TAFA4: variants seen among roughly 807,000 people sequenced by gnomAD.
TAFA4 encodes TAFA chemokine like family member 4.
In TAFA4, 20 loss-of-function variants were observed where a neutral mutation model predicts 21.1. That is an observed-to-expected ratio of 0.95 (90% CI 0.67 to 1.38). The LOEUF (loss-of-function observed/expected upper bound fraction) is 1.38, where lower values mean the gene tolerates loss of function less well. TAFA4 is among the 40% of genes most tolerant of loss of function. The pLI is 0.00. For missense variants in TAFA4, 211 were observed against 180.9 expected, an observed-to-expected ratio of 1.17 and a Z score of -0.95; for synonymous variants, 71 against 67.4, an observed-to-expected ratio of 1.05 and a Z score of -0.26.
intron 5 of TAFA4, among the ~76,000 whole-genome samples, chr3:68,736,760 G>T (rs187075352): frequency 6.6e-6 from 1 of 152,084 alleles, no homozygotes. Context: ...TACTCTATGT[G>T]CATAAGATCC....
intron 3 of TAFA4, among the ~76,000 whole-genome samples, chr3:68,875,813 A>G (rs889027866): frequency 5.9e-5 from 9 of 152,288 alleles, no homozygotes; most frequent in South Asian, 2.1e-4. Context: ...GAATAACAGC[A>G]TAAGCTATTC....
In TAFA4 at chr3:68,932,245, TAGAGC is replaced by T. The variant is rs1226855200; in HGVS notation, c.-133_-129del. On this transcript the variant is annotated 5_prime_UTR_variant, in exon 1 of 6. The change creates a premature stop within an existing upstream ORF in the 5' untranslated region. Coordinates refer to ENST00000295569, the MANE Select transcript of TAFA4 (RefSeq NM_182522.5). Reference sequence around the variant, plus strand: ...TCCCTTCCAACCCTTCTTACTCGACTAGAGCCGGCATCCAAGTCGGACCGGCGCGT... The same window carrying T: ...TCCCTTCCAACCCTTCTTACTCGACTCGGCATCCAAGTCGGACCGGCGCGT... 1 of 151,428 alleles carries T rather than the reference TAGAGC, an allele frequency of 6.6e-6. No individual in the cohort carries two copies. Among genetic ancestry groups the T allele is most frequent in the Admixed American group, 6.6e-5 (1 of 15,232 alleles). The allele number at this position is 151,428 out of a possible 1,614,324, so 9.4% of individuals were successfully genotyped here.
At chr3:68,909,248 G>A (rs770612639) in intron 1 of TAFA4, among the ~76,000 whole-genome samples, 23 of 152,198 alleles carry the variant, frequency 1.5e-4, no homozygotes, top group South Asian at 8.3e-4. Flanking sequence ...TCTTGTGGAA[G>A]AGGAATTAGA....
At chr3:68,776,208 A>G (rs894714295) in intron 3 of TAFA4, among the ~76,000 whole-genome samples, 3 of 152,152 alleles carry the variant, frequency 2.0e-5, no homozygotes, top group Non-Finnish European at 1.5e-5. Context: ...CAAACTAAAT[A>G]ATTCAATTAA....
chr3:68,917,551 G>A (rs1435568278), intron 1 of TAFA4, among the ~76,000 whole-genome samples: 1 of 151,718 alleles, frequency 6.6e-6, no homozygotes, highest in Non-Finnish European at 1.5e-5. Flanking sequence ...TCAGGAGCTC[G>A]AGACCAGCCT....
At chr3:68,834,429 G>A (rs765498364) in intron 3 of TAFA4, among the ~76,000 whole-genome samples, 3 of 152,138 alleles carry the variant, frequency 2.0e-5, no homozygotes, top group Non-Finnish European at 2.9e-5. Flanking sequence ...AGAAAAGAGT[G>A]TCATTTACTG....
chr3:68,762,733 T>C (rs960803298), intron 3 of TAFA4, among the ~76,000 whole-genome samples: 10 of 152,212 alleles, frequency 6.6e-5, no homozygotes, highest in Admixed American at 2.6e-4. Flanking sequence ...AAGAATCTCA[T>C]GAAGTCAATA....
At chr3:68,870,181 T>C (rs941910665) in intron 3 of TAFA4, among the ~76,000 whole-genome samples, 2 of 151,872 alleles carry the variant, frequency 1.3e-5, no homozygotes, top group Non-Finnish European at 2.9e-5. Context: ...CTATTAAACA[T>C]TGATGAAAGT....
chr3:68,883,247 C>G (rs1483765059), intron 2 of TAFA4, among the ~76,000 whole-genome samples: 1 of 152,198 alleles, frequency 6.6e-6, no homozygotes, highest in African/African-American at 2.4e-5. Context: ...TCTTGGGACT[C>G]TCTGTATTCC....
chr3:68,864,177 A>G (rs1256961676), intron 3 of TAFA4, among the ~76,000 whole-genome samples: 1 of 152,186 alleles, frequency 6.6e-6, no homozygotes, highest in Non-Finnish European at 1.5e-5. Context: ...ACATACTGGG[A>G]GAAAATATTT....
chr3:68,769,100 G>A (rs569942128), intron 3 of TAFA4, among the ~76,000 whole-genome samples: 1 of 152,318 alleles, frequency 6.6e-6, no homozygotes, highest in South Asian at 2.1e-4. Context: ...ACAGCAGAAG[G>A]TAAGTGGCAG....
At chr3:68,769,432 C>T (rs78623923) in intron 3 of TAFA4, among the ~76,000 whole-genome samples, 2,184 of 152,220 alleles carry the variant, frequency 0.014, 48 homozygotes, top group African/African-American at 0.05. Context: ...TCCTCCCATC[C>T]CAGTGCATGG....
chr3:68,773,906 C>G (rs946816266), intron 3 of TAFA4, among the ~76,000 whole-genome samples: 1 of 152,186 alleles, frequency 6.6e-6, no homozygotes, highest in Non-Finnish European at 1.5e-5. Flanking sequence ...GTGAGACTTA[C>G]TCAAGCAGTA....
intron 3 of TAFA4, among the ~76,000 whole-genome samples, chr3:68,854,422 T>C (rs1166073125): frequency 6.6e-6 from 1 of 151,724 alleles, no homozygotes; most frequent in African/African-American, 2.4e-5. Context: ...GCAGGGGAGG[T>C]GACATGATCA....
At chr3:68,842,026 T>C (rs143543525) in intron 3 of TAFA4, among the ~76,000 whole-genome samples, 83 of 152,302 alleles carry the variant, frequency 5.4e-4, no homozygotes, top group African/African-American at 1.9e-3. Flanking sequence ...TGTGTCCTTA[T>C]AGTAGAATGA....
chr3:68,871,953 G>GA lies in TAFA4; in HGVS notation c.130+8776dup, dbSNP rs1389922597. 5.9e-5 allele frequency among the ~76,000 whole-genome samples: 9 copies of GA among 152,234 alleles called. 1 individual carries two copies. The highest frequency in any genetic ancestry group is 2.2e-4 in the African/African-American group (9 of 41,558). ...GGAGAACACTCATACATCATTGGGG[G>GA]AATGTAGATTAGTACAGCCACTGTG... On this transcript the variant is annotated intron_variant, in intron 3 of 5. Transcript: ENST00000295569.
At chr3:68,876,737 A>AG (rs940446387) in intron 3 of TAFA4, among the ~76,000 whole-genome samples, 8 of 144,952 alleles carry the variant, frequency 5.5e-5, no homozygotes, top group Non-Finnish European at 8.9e-5. Flanking sequence ...CATTTATAAC[A>AG]GAAAAAAAAA....
chr3:68,886,088 T>C (rs2089670247), intron 1 of TAFA4, among the ~76,000 whole-genome samples: 1 of 152,214 alleles, frequency 6.6e-6, no homozygotes, highest in Non-Finnish European at 1.5e-5. Flanking sequence ...TTAATAAATA[T>C]TCAAGTTGCA....
intron 1 of TAFA4, among the ~76,000 whole-genome samples, chr3:68,907,235 C>G (rs532243373): frequency 2.0e-4 from 31 of 152,214 alleles, no homozygotes; most frequent in African/African-American, 7.5e-4. Flanking sequence ...AAAGTAGCCA[C>G]AGAAATTAAT....
Sources: gnomAD v4.1 joint callset for allele counts (sites outside exome capture counted in the v4.1 genomes callset) on GRCh38, gnomAD v4.1.1 for gene constraint, MANE v1.5 for transcripts, NCBI Gene and HGNC (gene_info 2026-07-23, HGNC 2026-07-21) for gene names.